C7: variants seen among roughly 807,000 people sequenced by gnomAD.
The protein encoded by C7 is complement component C7.
In C7, 83 loss-of-function variants were observed where a neutral mutation model predicts 104.8. That is an observed-to-expected ratio of 0.79 (90% confidence interval 0.66 to 0.95). C7 has a LOEUF of 0.95. C7 is among the 40% of genes least tolerant of loss of function. The probability of loss-of-function intolerance (pLI) is 0.00; values close to 1 mark genes in which losing one functional copy is unlikely to be tolerated. For missense variants in C7, 1,070 were observed against 1,011.2 expected, an observed-to-expected ratio of 1.06 and a Z score of -0.79; for synonymous variants, 415 against 360.6, an observed-to-expected ratio of 1.15 and a Z score of -1.71.
chr5:40,981,246 C>A, intron 17 of C7, 146 bp from the exon 18 acceptor site: 1 of 785,764 alleles, frequency 1.3e-6, no homozygotes, highest in Non-Finnish European at 2.0e-6. Flanking sequence ...CCTGGTCCTA[C>A]TGCTTTTCCA....
chr5:40,939,268 A>G (rs1015168220), intron 6 of C7, among the ~76,000 whole-genome samples: 2 of 152,214 alleles, frequency 1.3e-5, no homozygotes, highest in Non-Finnish European at 2.9e-5. Context: ...AGTAAAACAG[A>G]TCTGAAAAAT....
intron 1 of C7, among the ~76,000 whole-genome samples, chr5:40,923,776 A>G (rs1241256479): frequency 6.6e-6 from 1 of 151,996 alleles, no homozygotes; most frequent in African/African-American, 2.4e-5. Flanking sequence ...GAGAGGGGGA[A>G]AATGTCATGC....
chr5:40,959,687 C>A, intron 12 of C7, 67 bp downstream of exon 12: 1 of 1,209,622 alleles, frequency 8.3e-7, no homozygotes, highest in Non-Finnish European at 1.1e-6. Context: ...GCATGGAACA[C>A]ATGATTGCTG....
At chr5:40,978,518 C>G (rs188609220) in intron 16 of C7, among the ~76,000 whole-genome samples, 25 of 152,280 alleles carry the variant, frequency 1.6e-4, no homozygotes, top group Admixed American at 1.6e-3. Context: ...ATTGTAAGGT[C>G]TTTACCCTTT....
At chr5:40,920,749 T>C (rs1483258047) in intron 1 of C7, among the ~76,000 whole-genome samples, 1 of 152,144 alleles carries the variant, frequency 6.6e-6, no homozygotes, top group Non-Finnish European at 1.5e-5. Flanking sequence ...CATGAACTTA[T>C]ATTTAGAAAA....
chr5:40,953,379 A>G (rs951784336), intron 9 of C7, among the ~76,000 whole-genome samples: 5 of 152,298 alleles, frequency 3.3e-5, no homozygotes, highest in Non-Finnish European at 7.4e-5. Context: ...GTGGTGGCTC[A>G]GGCCTGTAAT....
intron 7 of C7, 92 bp from the exon 8 acceptor site, chr5:40,947,510 T>G: frequency 1.1e-4 from 156 of 1,370,822 alleles, no homozygotes; most frequent in Non-Finnish European, 1.5e-4. Flanking sequence ...TGATTGGAGA[T>G]GAGAGCTGAT....
chr5:40,966,260 C>T (rs188054017), intron 14 of C7, among the ~76,000 whole-genome samples: 16 of 152,100 alleles, frequency 1.1e-4, no homozygotes, highest in African/African-American at 2.7e-4. Flanking sequence ...TCCCTTACCC[C>T]CTTCCCACCC....
At chr5:40,959,271 C>T (rs1740371308) in intron 11 of C7, among the ~76,000 whole-genome samples, 178 bp from the exon 12 acceptor site, 1 of 152,184 alleles carries the variant, frequency 6.6e-6, no homozygotes, top group Non-Finnish European at 1.5e-5. Context: ...TTAATATGGA[C>T]ATTCCTAGTC....
intron 13 of C7, among the ~76,000 whole-genome samples, chr5:40,963,842 A>G (rs1057414895): frequency 3.3e-5 from 5 of 151,972 alleles, no homozygotes; most frequent in African/African-American, 1.2e-4. Flanking sequence ...CATTCCATAC[A>G]TATAGTGTGG....
chr5:40,957,537 C>A (rs1740316028), intron 10 of C7, among the ~76,000 whole-genome samples: 1 of 152,154 alleles, frequency 6.6e-6, no homozygotes, highest in Admixed American at 6.5e-5. Context: ...CTCAGCGCAA[C>A]CTCCACCTCC....
chr5:40,941,096 C>T (rs1739926192), intron 6 of C7, among the ~76,000 whole-genome samples: 1 of 149,400 alleles, frequency 6.7e-6, no homozygotes, highest in African/African-American at 2.5e-5. Context: ...GTCTCATTCA[C>T]CCATTTGCCC....
chr5:40,910,666 C>T lies in C7; in HGVS notation c.6+1050C>T, dbSNP rs569534033. 4.0e-5 allele frequency among the ~76,000 whole-genome samples: 6 copies of T among 151,822 alleles called. No individual in the cohort carries two copies. The East Asian group carries it at 1.2e-3, about 29-fold the overall frequency. On this transcript the variant is annotated intron_variant, in intron 1 of 17. Transcript: ENST00000313164. ...TATCCTAAGAAAATTAACGCAGGAA[C>T]AGACAATCAAATACCCCATGTTCTT... is the stretch of plus-strand genomic sequence containing the variant.
chr5:40,947,254 C>G (rs1740069173), intron 7 of C7, among the ~76,000 whole-genome samples: 1 of 151,712 alleles, frequency 6.6e-6, no homozygotes, highest in South Asian at 2.1e-4. Flanking sequence ...TGTGTACCAC[C>G]ATGGCAGGAT....
In C7 at chr5:40,949,955, T is replaced by C; in HGVS notation, c.1034T>C (p.Val345Ala). ...KKCKSSGWHF[V>A]VKFSSHGCKE... Reference sequence around the variant, plus strand: ...TGTAAATCCTCAGGTTGGCATTTTGTCGTTAAATTTTCAAGTCATGGATGC... The same window carrying C: ...TGTAAATCCTCAGGTTGGCATTTTGCCGTTAAATTTTCAAGTCATGGATGC... The change falls in exon 9 of 18, where the codon GTC becomes GCC. Residue 345 changes from valine to alanine, a missense_variant. Coordinates refer to ENST00000313164, the MANE Select transcript of C7 (RefSeq NM_000587.4). 6.2e-6 allele frequency: 10 copies of C among 1,601,608 alleles called. No individual in the cohort carries two copies. The highest frequency in any genetic ancestry group is 8.5e-6 in the Non-Finnish European group (10 of 1,173,522).
At chr5:40,959,052 C>T (rs116014018) in intron 11 of C7, among the ~76,000 whole-genome samples, 1,678 of 152,234 alleles carry the variant, frequency 0.011, 35 homozygotes, top group African/African-American at 0.037. Context: ...TGATTCATTC[C>T]TTTGTGGCTT....
At chr5:40,910,407 A>T (rs977805863) in intron 1 of C7, among the ~76,000 whole-genome samples, 1 of 152,094 alleles carries the variant, frequency 6.6e-6, no homozygotes, top group Non-Finnish European at 1.5e-5. Flanking sequence ...CAGTGGCTAG[A>T]TTGCTTCCAT....
At chr5:40,965,629 T>G (rs1275215635) in intron 14 of C7, among the ~76,000 whole-genome samples, 1 of 86,828 alleles carries the variant, frequency 1.2e-5, no homozygotes, top group African/African-American at 3.5e-5. Flanking sequence ...TGTATAGTGA[T>G]ATATATATAT....
intron 16 of C7, 69 bp from the exon 17 acceptor site, chr5:40,979,656 T>G: frequency 7.2e-7 from 1 of 1,383,350 alleles, no homozygotes; most frequent in Non-Finnish European, 9.9e-7. Context: ...GAGCATCACT[T>G]TTCATTTCTC....
Sources: gnomAD v4.1 joint callset for allele counts (sites outside exome capture counted in the v4.1 genomes callset) on GRCh38, gnomAD v4.1.1 for gene constraint, MANE v1.5 for transcripts, NCBI Gene and HGNC (gene_info 2026-07-23, HGNC 2026-07-21) for gene names.